SEMA3A: variants seen among roughly 807,000 people sequenced by gnomAD.
SEMA3A encodes semaphorin 3A, also known as semaphorin-3A.
In SEMA3A, 29 loss-of-function variants were observed where a neutral mutation model predicts 97.9. The observed-to-expected ratio is 0.30, with a 90% confidence interval of 0.22 to 0.40. SEMA3A has a LOEUF of 0.40. SEMA3A is among the 10% of genes least tolerant of loss of function. The pLI is 1.00. For synonymous variants in SEMA3A, 321 were observed against 323.7 expected, an observed-to-expected ratio of 0.99 and a Z score of 0.09; for missense variants, 763 against 951.3, an observed-to-expected ratio of 0.80 and a Z score of 2.60.
intron 1 of SEMA3A, among the ~76,000 whole-genome samples, chr7:84,423,266 AGGTTAATGTTT>A (rs1446043266): frequency 6.6e-6 from 1 of 152,078 alleles, no homozygotes; most frequent in Non-Finnish European, 1.5e-5. Flanking sequence ...ATTTGTTACT[AGGTTAATGTTT>A]GTAAGTTTCA....
intron 1 of SEMA3A, among the ~76,000 whole-genome samples, chr7:84,414,226 T>C (rs1804362886): frequency 6.6e-6 from 1 of 152,122 alleles, no homozygotes; most frequent in South Asian, 2.1e-4. Flanking sequence ...TGCACCTGTG[T>C]ATGAACATCT....
At chr7:84,323,988 A>T (rs1275072181) in intron 2 of SEMA3A, among the ~76,000 whole-genome samples, 2 of 152,172 alleles carry the variant, frequency 1.3e-5, no homozygotes, top group Non-Finnish European at 2.9e-5. Flanking sequence ...TGTGGTTTAC[A>T]ATAAAGTGTT....
In SEMA3A at chr7:84,203,529, T is replaced by A. The variant is rs1402326071; in HGVS notation, c.-82-8861A>T. On this transcript the variant is annotated intron_variant, in intron 3 of 3. Transcript: ENST00000424555. ...ATATATATATATATATATATATATT[T>A]TTTTTTTTTTTTTTTTTCTGAGATA... 2.0e-4 allele frequency among the ~76,000 whole-genome samples: 21 copies of A among 106,002 alleles called. No individual in the cohort carries two copies. The East Asian group carries it at 2.7e-3, about 14-fold the overall frequency. 69.5% of individuals were successfully genotyped at this position (106,002 alleles called of 152,430 possible).
At chr7:84,037,036 A>G (rs1305077919) in intron 6 of SEMA3A, among the ~76,000 whole-genome samples, 2 of 152,156 alleles carry the variant, frequency 1.3e-5, no homozygotes, top group Admixed American at 6.5e-5. Context: ...TCAAGTAATG[A>G]CAAAAATCTC....
intron 2 of SEMA3A, among the ~76,000 whole-genome samples, chr7:84,310,489 A>G (rs1362545253): frequency 6.6e-6 from 1 of 152,082 alleles, no homozygotes; most frequent in African/African-American, 2.4e-5. Flanking sequence ...AAATGATAGT[A>G]ACAAGTAAAA....
At chr7:83,986,386 A>C (rs1789636310) in intron 12 of SEMA3A, among the ~76,000 whole-genome samples, 1 of 152,198 alleles carries the variant, frequency 6.6e-6, no homozygotes, top group South Asian at 2.1e-4. Flanking sequence ...GGGAAGTAAC[A>C]CTCATCAATG....
chr7:83,967,654 C>T (rs1005861193), intron 15 of SEMA3A, among the ~76,000 whole-genome samples: 2 of 152,030 alleles, frequency 1.3e-5, no homozygotes, highest in African/African-American at 4.8e-5. Flanking sequence ...ACTCTGGAGG[C>T]TGAGGCAGGA....
At chr7:84,172,462 A>T (rs573339999) in intron 1 of SEMA3A, among the ~76,000 whole-genome samples, 1 of 151,978 alleles carries the variant, frequency 6.6e-6, no homozygotes, top group Admixed American at 6.6e-5. Context: ...TCGCTCTGTC[A>T]CCCAGGCTGG....
intron 1 of SEMA3A, among the ~76,000 whole-genome samples, chr7:84,490,065 T>C (rs1212698750): frequency 1.3e-5 from 2 of 151,778 alleles, no homozygotes; most frequent in African/African-American, 4.8e-5. Context: ...CATGAAAAAA[T>C]TGTAAACATA....
intron 1 of SEMA3A, among the ~76,000 whole-genome samples, chr7:84,173,500 G>A (rs572373091): frequency 7.3e-5 from 11 of 149,660 alleles, no homozygotes; most frequent in African/African-American, 2.2e-4. Context: ...CGGAGGTTGC[G>A]GTGAGCCGAG....
chr7:83,996,645 A>T (rs1790233619), intron 12 of SEMA3A, among the ~76,000 whole-genome samples: 1 of 152,160 alleles, frequency 6.6e-6, no homozygotes, highest in Non-Finnish European at 1.5e-5. Context: ...TTTTAAAAGT[A>T]TTTATAATCA....
chr7:84,086,581 A>T (rs1246688394), intron 4 of SEMA3A, among the ~76,000 whole-genome samples: 3 of 135,250 alleles, frequency 2.2e-5, no homozygotes, highest in Non-Finnish European at 4.8e-5. Flanking sequence ...TTTACATATA[A>T]TATATTATTA....
chr7:84,143,952 C>CAT (rs1796388947), intron 1 of SEMA3A, among the ~76,000 whole-genome samples: 1 of 64,072 alleles, frequency 1.6e-5, no homozygotes, highest in Admixed American at 1.3e-4. Flanking sequence ...CTCTCTCTAA[C>CAT]ACACACACAC....
chr7:84,103,462 C>A (rs995868298), intron 4 of SEMA3A, among the ~76,000 whole-genome samples: 5 of 152,034 alleles, frequency 3.3e-5, no homozygotes, highest in African/African-American at 1.2e-4. Flanking sequence ...GTGCTTATTT[C>A]ATTTTTTCAC....
At chr7:84,030,979 T>C (rs1258116466) in intron 6 of SEMA3A, among the ~76,000 whole-genome samples, 2 of 148,360 alleles carry the variant, frequency 1.3e-5, no homozygotes, top group Non-Finnish European at 3.0e-5. Context: ...AGTGTTACTT[T>C]TGGTCAAGTT....
intron 4 of SEMA3A, among the ~76,000 whole-genome samples, chr7:84,100,652 T>C (rs993840064): frequency 1.3e-5 from 2 of 152,178 alleles, no homozygotes; most frequent in African/African-American, 4.8e-5. Context: ...ATGATATTTG[T>C]GTTCATATTC....
intron 3 of SEMA3A, among the ~76,000 whole-genome samples, chr7:84,293,644 T>A (rs564061527): frequency 2.0e-5 from 3 of 152,160 alleles, no homozygotes; most frequent in East Asian, 3.9e-4. Context: ...ACACTAGTAA[T>A]ACAAAAATAT....
intron 3 of SEMA3A, among the ~76,000 whole-genome samples, chr7:84,241,973 T>G (rs554566275): frequency 6.6e-5 from 10 of 152,184 alleles, no homozygotes; most frequent in Non-Finnish European, 1.0e-4. Flanking sequence ...CTCTGTCCTG[T>G]TCCATTGGTC....
At chr7:83,980,323 C>T (rs1789339329) in intron 14 of SEMA3A, among the ~76,000 whole-genome samples, 1 of 151,774 alleles carries the variant, frequency 6.6e-6, no homozygotes, top group Non-Finnish European at 1.5e-5. Flanking sequence ...TATATATATG[C>T]TGGGCGCAGT....
Sources: allele counts gnomAD v4.1 joint callset (sites outside exome capture counted in the v4.1 genomes callset), GRCh38; gene constraint gnomAD v4.1.1; transcripts MANE v1.5; gene names NCBI Gene and HGNC (gene_info 2026-07-23, HGNC 2026-07-21).